COP1: variants seen among roughly 807,000 people sequenced by gnomAD.
The protein encoded by COP1 is E3 ubiquitin-protein ligase COP1.
In COP1, 24 loss-of-function variants were observed where a neutral mutation model predicts 101.3. The ratio of observed to expected loss-of-function variants is 0.24; its 90% confidence interval spans 0.17 to 0.33. The LOEUF is 0.33. Ranked by LOEUF, COP1 falls within the 10% of genes least tolerant of loss-of-function variation. The pLI is 1.00. For synonymous variants in COP1, 347 were observed against 341.9 expected, an observed-to-expected ratio of 1.01 and a Z score of -0.17; for missense variants, 663 against 906.2, an observed-to-expected ratio of 0.73 and a Z score of 3.45.
At chr1:176,148,754 T>C (rs1302300268) in intron 6 of COP1, among the ~76,000 whole-genome samples, 1 of 152,144 alleles carries the variant, frequency 6.6e-6, no homozygotes, top group Non-Finnish European at 1.5e-5. Flanking sequence ...TTCAATTCTT[T>C]ATAGTTTTTA....
intron 11 of COP1, among the ~76,000 whole-genome samples, chr1:176,071,638 A>G: frequency 6.6e-6 from 1 of 152,318 alleles, no homozygotes; most frequent in East Asian, 1.9e-4. Flanking sequence ...TTGGTTTTAA[A>G]AAGTCTTAAG....
At chr1:176,037,069 C>T (rs1229150257) in intron 14 of COP1, among the ~76,000 whole-genome samples, 1 of 152,098 alleles carries the variant, frequency 6.6e-6, no homozygotes, top group Non-Finnish European at 1.5e-5. Flanking sequence ...AAACTACACG[C>T]CCAGAAAGCT....
At chr1:176,170,997 C>G (rs532482432) in intron 3 of COP1, among the ~76,000 whole-genome samples, 3 of 151,574 alleles carry the variant, frequency 2.0e-5, no homozygotes, top group African/African-American at 7.3e-5. Flanking sequence ...TGGTGGTGGG[C>G]GCCTGTAATC....
At chr1:176,098,151 C>T in intron 9 of COP1, among the ~76,000 whole-genome samples, 1 of 152,098 alleles carries the variant, frequency 6.6e-6, no homozygotes, top group East Asian at 1.9e-4. Context: ...AACTTGATGG[C>T]TCCACATTTG....
At chr1:176,136,613 C>A (rs1689835951) in intron 6 of COP1, 66 bp from the exon 7 acceptor site, 9 of 998,988 alleles carry the variant, frequency 9.0e-6, no homozygotes, top group South Asian at 6.1e-5. Context: ...AATGGCATCA[C>A]CATGATCATA....
At chr1:175,947,926 T>G (rs903666907) in intron 18 of COP1, among the ~76,000 whole-genome samples, 2 of 152,240 alleles carry the variant, frequency 1.3e-5, no homozygotes, top group African/African-American at 4.8e-5. Flanking sequence ...TTCATTCATT[T>G]TCTCTCATAA....
At chr1:176,052,041 T>C (rs1290101329) in intron 11 of COP1, among the ~76,000 whole-genome samples, 1 of 152,138 alleles carries the variant, frequency 6.6e-6, no homozygotes, top group East Asian at 1.9e-4. Context: ...TCTACAGTAA[T>C]ATACAGTAAT....
intron 18 of COP1, among the ~76,000 whole-genome samples, chr1:175,986,006 A>C (rs1657020971): frequency 6.6e-6 from 1 of 152,138 alleles, no homozygotes; most frequent in African/African-American, 2.4e-5. Flanking sequence ...TGTTTATATA[A>C]ATCAAGATAG....
intron 6 of COP1, among the ~76,000 whole-genome samples, chr1:176,141,388 C>T (rs762459493): frequency 6.6e-6 from 1 of 152,042 alleles, no homozygotes; most frequent in Non-Finnish European, 1.5e-5. Context: ...GTAATACCAG[C>T]TACTTGGGAG....
chr1:175,983,149 A>G (rs946637933), intron 18 of COP1, among the ~76,000 whole-genome samples: 1 of 152,040 alleles, frequency 6.6e-6, no homozygotes, highest in African/African-American at 2.4e-5. Context: ...AAATACTTAC[A>G]ATTATTATTT....
At chr1:176,122,524 C>A (rs1687306965) in intron 8 of COP1, among the ~76,000 whole-genome samples, 4 of 152,120 alleles carry the variant, frequency 2.6e-5, no homozygotes. Flanking sequence ...CCACAGAGTA[C>A]TTATCTATGA....
chr1:176,101,161 T>C (rs1162446727), intron 9 of COP1, among the ~76,000 whole-genome samples: 2 of 151,978 alleles, frequency 1.3e-5, no homozygotes, highest in East Asian at 1.9e-4. Context: ...CCCCCCACCA[T>C]CAACATCAGT....
chr1:176,074,388 T>C (rs1339740764), intron 11 of COP1, among the ~76,000 whole-genome samples: 1 of 152,208 alleles, frequency 6.6e-6, no homozygotes, highest in East Asian at 1.9e-4. Context: ...CTTCATTTCT[T>C]TGGCCATATC....
At chr1:176,178,677 C>A (rs1183390136) in intron 2 of COP1, among the ~76,000 whole-genome samples, 1 of 151,766 alleles carries the variant, frequency 6.6e-6, no homozygotes, top group East Asian at 1.9e-4. Flanking sequence ...CATGGCAAAA[C>A]CCCGTCTCTA....
At chr1:176,122,789 T>G (rs1687362893) in intron 8 of COP1, among the ~76,000 whole-genome samples, 1 of 152,202 alleles carries the variant, frequency 6.6e-6, no homozygotes, top group African/African-American at 2.4e-5. Context: ...TTTGAAAGTT[T>G]TTTTTGTAAG....
intron 3 of COP1, among the ~76,000 whole-genome samples, chr1:176,165,397 T>TGTGG (rs1694972339): frequency 6.8e-6 from 1 of 146,046 alleles, no homozygotes; most frequent in South Asian, 2.2e-4. Context: ...TGTGTGTGTG[T>TGTGG]GTGTGTGTGT....
Position 176,081,149 on chromosome 1 carries a change from T to C in COP1, c.1277+3A>G, listed in dbSNP as rs368948132. On this transcript the variant is annotated splice_donor_region_variant and intron_variant, in intron 11 of 19. Transcript: ENST00000367669. Reference sequence around the variant, plus strand: ...AGAAAATAGTAATTTGACCAATACTTACCTAGAGACTATACTGGAACCATT... The same window carrying C: ...AGAAAATAGTAATTTGACCAATACTCACCTAGAGACTATACTGGAACCATT... 14 of 1,596,008 alleles carry C rather than the reference T, an allele frequency of 8.8e-6. No homozygotes were observed. The African/African-American group carries it at 1.9e-4, about 22-fold the overall frequency.
intron 8 of COP1, among the ~76,000 whole-genome samples, chr1:176,126,010 T>C (rs1193751593): frequency 1.3e-5 from 2 of 152,240 alleles, no homozygotes; most frequent in African/African-American, 2.4e-5. Flanking sequence ...TTATTCTTTT[T>C]CACATCGTTC....
At chr1:176,058,787 A>G (rs1206621151) in intron 11 of COP1, among the ~76,000 whole-genome samples, 1 of 151,522 alleles carries the variant, frequency 6.6e-6, no homozygotes, top group Non-Finnish European at 1.5e-5. Flanking sequence ...GTGACCTCTT[A>G]TCAGATCCCA....
Sources: gnomAD v4.1 joint callset for allele counts (sites outside exome capture counted in the v4.1 genomes callset) on GRCh38, gnomAD v4.1.1 for gene constraint, MANE v1.5 for transcripts, NCBI Gene and HGNC (gene_info 2026-07-23, HGNC 2026-07-21) for gene names.